IGF2BP1: variants seen among roughly 807,000 people sequenced by gnomAD.
IGF2BP1 encodes insulin-like growth factor 2 mRNA-binding protein 1.
Under a neutral mutation model 74.9 loss-of-function variants are expected in IGF2BP1, and 11 were observed. The ratio of observed to expected loss-of-function variants is 0.15; its 90% CI spans 0.09 to 0.24. The LOEUF (loss-of-function observed/expected upper bound fraction) is 0.24, where lower values mean the gene tolerates loss of function less well. Ranked by LOEUF, IGF2BP1 falls within the 10% of genes least tolerant of loss-of-function variation. The pLI is 1.00. For missense variants in IGF2BP1, 440 were observed against 757.4 expected (o/e 0.58, Z 4.92); for synonymous variants, 287 against 281.8 (o/e 1.02, Z -0.18).
upstream of IGF2BP1, among the ~76,000 whole-genome samples, chr17:48,996,930 A>G (rs1183615916): frequency 2.0e-5 from 3 of 150,050 alleles, no homozygotes; most frequent in Non-Finnish European, 4.4e-5. Context: ...AGCTCGTGCG[A>G]CCCTCTCCTG....
At chr17:49,027,602 C>G (rs1188729076) in intron 4 of IGF2BP1, among the ~76,000 whole-genome samples, 1 of 152,074 alleles carries the variant, frequency 6.6e-6, no homozygotes, top group Non-Finnish European at 1.5e-5. Flanking sequence ...CCTGTAATCC[C>G]AGCACTTTGG....
intron 2 of IGF2BP1, among the ~76,000 whole-genome samples, chr17:49,001,413 A>T (rs868071858): frequency 2.0e-5 from 3 of 152,172 alleles, no homozygotes; most frequent in Admixed American, 6.5e-5. Flanking sequence ...TATGATTTCA[A>T]TTTCTAAAAT....
chr17:49,035,905 ACCTCCTTGTGGGAGGGCCC>A (rs2041981580), intron 5 of IGF2BP1, among the ~76,000 whole-genome samples: 1 of 151,974 alleles, frequency 6.6e-6, no homozygotes, highest in South Asian at 2.1e-4. Context: ...CGGGGGCCGG[ACCTCCTTGTGGGAGGGCCC>A]GGGACTGCAC....
At position 49,042,302 on chromosome 17, in the gene IGF2BP1, G is replaced by A. The variant is rs756182368; in HGVS notation, c.1002G>A (p.Glu334=). ...ERTITVKGAI[E]NCCRAEQEIM... ...CCATCACTGTGAAGGGGGCCATCGA[G>A]AATTGTTGCAGGGCCGAGCAGGAAA... Residue 334 remains glutamate, a synonymous_variant, in exon 9 of 15, where the codon GAG becomes GAA. Transcript: ENST00000290341. The A allele has an allele frequency of 1.1e-5, 17 of 1,614,018 alleles. No individual in the cohort carries two copies. In the African/African-American group the frequency reaches 2.1e-4, roughly 20 times the overall value.
At chr17:49,028,330 T>C (rs944524589) in intron 4 of IGF2BP1, among the ~76,000 whole-genome samples, 6 of 152,206 alleles carry the variant, frequency 3.9e-5, no homozygotes, top group Non-Finnish European at 8.8e-5. Context: ...CCAAATTATT[T>C]GTGGAAAGGG....
chr17:49,023,064 T>G (rs187113124), intron 2 of IGF2BP1, among the ~76,000 whole-genome samples: 61 of 152,374 alleles, frequency 4.0e-4, no homozygotes, highest in Admixed American at 1.1e-3. Context: ...CCGGCAGTTT[T>G]GCTTTCATTG....
intron 4 of IGF2BP1, among the ~76,000 whole-genome samples, chr17:49,031,077 C>T (rs1268769911): frequency 4.6e-5 from 7 of 152,102 alleles, no homozygotes; most frequent in South Asian, 2.1e-4. Context: ...TCTTGGGAAC[C>T]GGCTGAGGAA....
At chr17:49,006,704 C>T (rs2143939680) in intron 2 of IGF2BP1, among the ~76,000 whole-genome samples, 1 of 152,252 alleles carries the variant, frequency 6.6e-6, no homozygotes, top group African/African-American at 2.4e-5. Flanking sequence ...ATCTAAGGCA[C>T]TAGGAACAGT....
intron 5 of IGF2BP1, among the ~76,000 whole-genome samples, chr17:49,035,233 C>T (rs1351263912): frequency 1.3e-5 from 2 of 152,042 alleles, no homozygotes; most frequent in Non-Finnish European, 2.9e-5. Flanking sequence ...TGGGGCAGCT[C>T]GATGATATCC....
intron 2 of IGF2BP1, among the ~76,000 whole-genome samples, chr17:49,012,689 T>A (rs1214887866): frequency 6.6e-6 from 1 of 152,172 alleles, no homozygotes; most frequent in East Asian, 1.9e-4. Context: ...AGAGTTGACC[T>A]TTGTTACAGG....
At chr17:49,023,607 T>A (rs569845662) in intron 2 of IGF2BP1, among the ~76,000 whole-genome samples, 5 of 152,280 alleles carry the variant, frequency 3.3e-5, no homozygotes, top group African/African-American at 9.6e-5. Context: ...CCCCATTGCA[T>A]GTCAGGTAGG....
chr17:48,997,647 C>T lies in IGF2BP1; in HGVS notation c.-99C>T. On this transcript the variant is annotated 5_prime_UTR_variant, in exon 1 of 15. Transcript: ENST00000290341. This position sits in a 1 kb window ranked among gnomAD's most constrained non-coding sequence, Gnocchi z 4.8. The stretch of plus-strand genomic sequence containing the variant: ...GGGGTGCAAAGAAAGTTTGCGGCTC[C>T]TGCCGCCGGCCTCTCCGCCTCTTGG... 1 of 1,338,308 alleles carries T rather than the reference C, an allele frequency of 7.5e-7. No homozygotes were observed. 82.9% of individuals were successfully genotyped at this position (1,338,308 alleles called of 1,614,324 possible).
At chr17:49,039,066 C>T (rs1259811140) in intron 6 of IGF2BP1, among the ~76,000 whole-genome samples, 3 of 151,800 alleles carry the variant, frequency 2.0e-5, no homozygotes, top group Non-Finnish European at 2.9e-5. Flanking sequence ...TTAGTAGAGA[C>T]AGGGTTTCAC....
intron 2 of IGF2BP1, among the ~76,000 whole-genome samples, chr17:49,021,158 AAGC>A (rs987371555): frequency 5.3e-5 from 8 of 151,714 alleles, no homozygotes; most frequent in Non-Finnish European, 1.0e-4. Context: ...AAAAAAAAAA[AAGC>A]AGGCTCTTCC....
rs181514934 is a variant in IGF2BP1 at position 49,052,738 on chromosome 17, G to T, written c.*3294G>T. 2 of 152,658 alleles carry T rather than the reference G, an allele frequency of 1.3e-5. No individual in the cohort carries two copies. The highest frequency in any genetic ancestry group is 1.9e-4 in the East Asian group (1 of 5,180). 9.5% of individuals were successfully genotyped at this position (152,658 alleles called of 1,614,324 possible). Reference sequence around the variant, plus strand: ...GCACCTCCATTTCCCCATCCTTGGTGAGATAACAAGCTATCGCGAAAAGCA... The same window carrying T: ...GCACCTCCATTTCCCCATCCTTGGTTAGATAACAAGCTATCGCGAAAAGCA... On this transcript the variant is annotated 3_prime_UTR_variant, in exon 15 of 15. Coordinates refer to ENST00000290341, the MANE Select transcript of IGF2BP1 (RefSeq NM_006546.4).
intron 4 of IGF2BP1, among the ~76,000 whole-genome samples, chr17:49,028,111 T>C (rs995004058): frequency 4.7e-5 from 7 of 149,522 alleles, no homozygotes; most frequent in Non-Finnish European, 7.4e-5. Context: ...TGCAGTGAGC[T>C]GTGATTGTGC....
At chr17:49,041,544 TG>T in intron 8 of IGF2BP1, 44 bp downstream of exon 8, 1 of 1,612,400 alleles carries the variant, frequency 6.2e-7, no homozygotes, top group Non-Finnish European at 8.5e-7. Flanking sequence ...GGGGGATGCA[TG>T]GGGGCCAGGG....
chr17:48,999,203 GGCCGCGGGGGT>G, intron 2 of IGF2BP1, 34 bp downstream of exon 2: 1 of 537,038 alleles, frequency 1.9e-6, no homozygotes, highest in Non-Finnish European at 3.4e-6. Flanking sequence ...GGGGTGGGGG[GGCCGCGGGGGT>G]GTGCTGTGAA....
intron 2 of IGF2BP1, among the ~76,000 whole-genome samples, chr17:49,016,470 C>T (rs957233340): frequency 3.9e-5 from 6 of 152,140 alleles, no homozygotes; most frequent in Non-Finnish European, 7.3e-5. Context: ...CTTCTCTCCC[C>T]TAAATATGGG....
Sources: gnomAD v4.1 joint callset for allele counts (sites outside exome capture counted in the v4.1 genomes callset) on GRCh38, gnomAD v4.1.1 for gene constraint, Gnocchi (gnomAD v3.1) non-coding constraint, MANE v1.5 for transcripts, NCBI Gene and HGNC (gene_info 2026-07-23, HGNC 2026-07-21) for gene names.